The following ATXN3 variants were observed in gnomAD, a reference collection of about 807,000 sequenced individuals.
The protein encoded by ATXN3 is ataxin 3, also known as ataxin-3.
Under a neutral mutation model 58.2 loss-of-function variants are expected in ATXN3, and 28 were observed. The ratio of observed to expected loss-of-function variants is 0.48; its 90% confidence interval spans 0.36 to 0.66. The LOEUF is 0.66. ATXN3 is among the 30% of genes least tolerant of loss of function. The pLI is 0.00. For missense variants in ATXN3, 321 were observed against 422.1 expected (o/e 0.76, Z 2.10); for synonymous variants, 113 against 138.5 (o/e 0.82, Z 1.29).
intron 3 of ATXN3, among the ~76,000 whole-genome samples, chr14:92,095,066 T>TAA (rs1393292385): frequency 2.0e-5 from 3 of 147,148 alleles, no homozygotes; most frequent in African/African-American, 7.6e-5. Flanking sequence ...CATATATATA[T>TAA]AACCACCAAA....
At position 92,064,389 on chromosome 14, in the gene ATXN3, C is replaced by T. The variant is rs199942851; in HGVS notation, c.1017G>A (p.Met339Ile). ...AAGACATGGTCACAGCTGCCTGAAG[C>T]ATGTCTTCTTCACTCATAGCATCAC... is the stretch of plus-strand genomic sequence containing the variant. ...DLGDAMSEED[M>I]LQAAVTMSLE... Residue 339 changes from methionine (M) to isoleucine (I), a missense_variant, in exon 11 of 11, where the codon ATG (methionine) becomes ATA (isoleucine). This residue lies in a region of ATXN3 where 200 missense variants were observed against 223.2 expected (regional missense o/e 0.90). Transcript: ENST00000644486. 1.1e-5 allele frequency: 18 copies of T among 1,613,032 alleles called. No individual in the cohort carries two copies. In the East Asian group the frequency reaches 3.8e-4, roughly 34 times the overall value.
intron 1 of ATXN3, among the ~76,000 whole-genome samples, chr14:92,105,194 G>A (rs1178181397): frequency 1.3e-5 from 2 of 152,132 alleles, no homozygotes; most frequent in Admixed American, 1.3e-4. Context: ...GGCCGAGGTG[G>A]GAGAATCACC....
In ATXN3 at chr14:92,062,442, T is replaced by C. The variant is rs1038880620; in HGVS notation, c.*1878A>G. 5 of 152,192 alleles carry C rather than the reference T, an allele frequency of 3.3e-5. No individual in the cohort carries two copies. The East Asian group carries it at 9.6e-4, about 29-fold the overall frequency. The allele number at this position is 152,192 out of a possible 1,614,324, so 9.4% of individuals were successfully genotyped here. On this transcript the variant is annotated 3_prime_UTR_variant, in exon 11 of 11. Transcript: ENST00000644486. ...CATCAATTCAAGTGTATGAAAAGTT[T>C]AATGTAACTTTTCAATGGAAAAAGG...
downstream of ATXN3, among the ~76,000 whole-genome samples, chr14:92,055,656 G>A (rs1027418136): frequency 9.2e-5 from 14 of 152,254 alleles, 1 homozygote; most frequent in African/African-American, 2.4e-4. The surrounding 1 kb of genome is among the most constrained non-coding windows in gnomAD (Gnocchi z 4.5). Context: ...TGTGTGAGAC[G>A]GTGGCTCAAA....
intron 1 of ATXN3, chr14:92,047,994 A>T (rs1159144539): frequency 1.3e-5 from 2 of 152,686 alleles, no homozygotes; most frequent in Non-Finnish European, 2.9e-5. Flanking sequence ...TAAGCTGAGA[A>T]GATCTGGGAA....
At position 92,096,996 on chromosome 14, in the gene ATXN3, C is replaced by T. The variant is rs574280493; in HGVS notation, c.25-158G>A. ...TATCTTGGCTCACTGCAAGCTCCGC[C>T]ACCCGGGTTCATGCCATTCTCCTGC... On this transcript the variant is annotated intron_variant, in intron 1 of 10. Transcript: ENST00000644486. 1.8e-4 allele frequency: 106 copies of T among 601,522 alleles called. 1 individual carries two copies. The highest frequency in any genetic ancestry group is 1.1e-3 in the Admixed American group (40 of 35,278). The allele number at this position is 601,522 out of a possible 1,614,324, so 37.3% of individuals were successfully genotyped here.
At chr14:92,068,392 C>T (rs559586131) in intron 10 of ATXN3, among the ~76,000 whole-genome samples, 1 of 152,224 alleles carries the variant, frequency 6.6e-6, no homozygotes, top group Non-Finnish European at 1.5e-5. Context: ...TTTTATCTTG[C>T]TAGGTTGCCT....
intron 4 of ATXN3, 139 bp from the exon 5 acceptor site, chr14:92,093,457 C>T: frequency 1.6e-6 from 1 of 636,652 alleles, no homozygotes; most frequent in Non-Finnish European, 2.7e-6. Context: ...TAAAAGATCA[C>T]ACAACCATAT....
intron 1 of ATXN3, among the ~76,000 whole-genome samples, chr14:92,098,986 T>G (rs2066065379): frequency 1.3e-5 from 2 of 152,068 alleles, no homozygotes; most frequent in African/African-American, 2.4e-5. Context: ...CGTGTGACCC[T>G]CCTCCCCGCA....
At chr14:92,052,032 GT>G (rs1178212303), upstream of ATXN3, among the ~76,000 whole-genome samples, 1 of 151,566 alleles carries the variant, frequency 6.6e-6, no homozygotes, top group Non-Finnish European at 1.5e-5. Flanking sequence ...CTTTCAAAGA[GT>G]TTTAACCACA....
At chr14:92,077,009 C>T (rs2060527123) in intron 9 of ATXN3, among the ~76,000 whole-genome samples, 1 of 148,364 alleles carries the variant, frequency 6.7e-6, no homozygotes, top group Non-Finnish European at 1.5e-5. Context: ...TTCTGGAAAG[C>T]AATTTAGAAA....
At chr14:92,092,856 T>C (rs1195657144) in intron 5 of ATXN3, among the ~76,000 whole-genome samples, 1 of 133,412 alleles carries the variant, frequency 7.5e-6, no homozygotes, top group African/African-American at 2.9e-5. Flanking sequence ...AATTTTTAAA[T>C]ATATTTTTTT....
chr14:92,080,919 A>C, intron 9 of ATXN3, 46 bp downstream of exon 9: 6 of 1,413,080 alleles, frequency 4.2e-6, no homozygotes, highest in Non-Finnish European at 6.0e-6. Context: ...AAAATAGCCA[A>C]AGCAAATATT....
chr14:92,061,821 C>T lies in ATXN3; in HGVS notation c.*2499G>A, dbSNP rs1470306611. 1.3e-5 allele frequency: 2 copies of T among 152,208 alleles called. No homozygotes were observed. The highest frequency in any genetic ancestry group is 2.4e-5 in the African/African-American group (1 of 41,450). 9.4% of individuals were successfully genotyped at this position (152,208 alleles called of 1,614,324 possible). A position where few individuals can be genotyped will look rare whatever the true frequency, so the allele number is the denominator to read the frequency against. On this transcript the variant is annotated 3_prime_UTR_variant, in exon 11 of 11. Coordinates refer to ENST00000644486, the MANE Select transcript of ATXN3 (RefSeq NM_004993.6). ...AATCAATTAAGAAATGGAATCTAAA[C>T]AGTCAATTAAATTTAAGCCAACCCC...
chr14:92,097,678 G>A (rs371798010), intron 1 of ATXN3, among the ~76,000 whole-genome samples: 3 of 151,760 alleles, frequency 2.0e-5, no homozygotes, highest in East Asian at 1.9e-4. Flanking sequence ...GGTGCCCACC[G>A]CCATGCCCGG....
intron 1 of ATXN3, among the ~76,000 whole-genome samples, chr14:92,048,564 A>C (rs2057437027): frequency 6.6e-6 from 1 of 152,228 alleles, no homozygotes; most frequent in African/African-American, 2.4e-5. Flanking sequence ...AAAAGAGCCT[A>C]AACGCTAACT....
At chr14:92,050,254 G>T (rs567525236), upstream of ATXN3, 69 of 152,124 alleles carry the variant, frequency 4.5e-4, no homozygotes, top group African/African-American at 1.6e-3. Flanking sequence ...GTTGAAACTG[G>T]GTGGTGGGTA....
At chr14:92,085,334 A>C (rs949220512) in intron 6 of ATXN3, among the ~76,000 whole-genome samples, 1 of 151,826 alleles carries the variant, frequency 6.6e-6, no homozygotes, top group Non-Finnish European at 1.5e-5. Context: ...CTACAGGTGC[A>C]CAACACCACA....
chr14:92,078,896 C>T (rs949137867), intron 9 of ATXN3, among the ~76,000 whole-genome samples: 2 of 151,800 alleles, frequency 1.3e-5, no homozygotes, highest in Non-Finnish European at 2.9e-5. Flanking sequence ...TATTATAAAA[C>T]GAGATTGGGC....
Sources: allele counts gnomAD v4.1 joint callset (sites outside exome capture counted in the v4.1 genomes callset), GRCh38; gene constraint gnomAD v4.1.1; regional missense constraint gnomAD v4.1.1; non-coding constraint Gnocchi (gnomAD v3.1); transcripts MANE v1.5; gene names NCBI Gene and HGNC (gene_info 2026-07-23, HGNC 2026-07-21).